The following CCDC171 variants were observed in gnomAD, a reference collection of about 807,000 sequenced individuals.
The protein encoded by CCDC171 is coiled-coil domain containing 171.
Under a neutral mutation model 168.2 loss-of-function variants are expected in CCDC171, and 177 were observed. The observed-to-expected ratio is 1.05, with a 90% CI of 0.93 to 1.19. The LOEUF (loss-of-function observed/expected upper bound fraction) is 1.19, where lower values mean the gene tolerates loss of function less well. CCDC171 is among the 50% of genes most tolerant of loss of function. CCDC171 has a pLI of 0.00. For missense variants in CCDC171, 1,991 were observed against 1,539.0 expected, an observed-to-expected ratio of 1.29 and a Z score of -4.91; for synonymous variants, 687 against 540.8, an observed-to-expected ratio of 1.27 and a Z score of -3.75.
At chr9:15,878,343 T>A (rs1235601255) in intron 24 of CCDC171, among the ~76,000 whole-genome samples, 2 of 151,436 alleles carry the variant, frequency 1.3e-5, no homozygotes, top group Non-Finnish European at 2.9e-5. Flanking sequence ...AAAGAAGACA[T>A]ACACACAAGT....
intron 1 of CCDC171, 113 bp from the exon 2 acceptor site, chr9:15,563,859 ATACACC>A (rs1236452426): frequency 2.1e-6 from 1 of 476,544 alleles, no homozygotes; most frequent in African/African-American, 2.0e-5. Flanking sequence ...AGATATCTCT[ATACACC>A]TACAATTTCA....
chr9:15,886,724 C>G (rs1032228869), intron 24 of CCDC171: 1 of 149,370 alleles, frequency 6.7e-6, no homozygotes, highest in Non-Finnish European at 1.5e-5. Context: ...TAAGTGTCCT[C>G]TGATGAATGA....
chr9:16,091,076 A>T, the CCDC171 span, among the ~76,000 whole-genome samples: 9 of 151,996 alleles, frequency 5.9e-5, no homozygotes, highest in African/African-American at 2.2e-4. Context: ...GTCACCCCCC[A>T]CCCAGGAATG....
At chr9:15,920,229 A>G (rs1825134101) in intron 24 of CCDC171, 41 bp from the exon 25 acceptor site, 2 of 1,302,086 alleles carry the variant, frequency 1.5e-6, no homozygotes, top group Non-Finnish European at 2.1e-6. Context: ...TTGGGGACAT[A>G]TTTATTTGAA....
chr9:15,919,044 T>C (rs1196666974), intron 24 of CCDC171, among the ~76,000 whole-genome samples: 3 of 151,634 alleles, frequency 2.0e-5, no homozygotes, highest in Non-Finnish European at 4.4e-5. Flanking sequence ...AAGATAAACA[T>C]GTAAACTAAT....
At chr9:15,648,687 C>G (rs1328654363) in intron 7 of CCDC171, among the ~76,000 whole-genome samples, 2 of 152,130 alleles carry the variant, frequency 1.3e-5, no homozygotes, top group African/African-American at 2.4e-5. Flanking sequence ...AATAAACTTA[C>G]AAGGGATGTG....
At chr9:15,863,178 A>G (rs984789788) in intron 23 of CCDC171, among the ~76,000 whole-genome samples, 1 of 151,994 alleles carries the variant, frequency 6.6e-6, no homozygotes, top group African/African-American at 2.4e-5. Context: ...GCACAGTCCA[A>G]TTCCTTCCCT....
At chr9:15,968,941 A>G (rs1038939371) in intron 25 of CCDC171, among the ~76,000 whole-genome samples, 9 of 152,150 alleles carry the variant, frequency 5.9e-5, no homozygotes, top group African/African-American at 2.2e-4. Flanking sequence ...CCAGTAGCAA[A>G]AGCAGTCATT....
chr9:15,591,129 C>G (rs2041980999), intron 4 of CCDC171, among the ~76,000 whole-genome samples: 1 of 152,004 alleles, frequency 6.6e-6, no homozygotes, highest in Non-Finnish European at 1.5e-5. Flanking sequence ...GCAAAATCAT[C>G]ATTGTCTGAA....
the CCDC171 span, among the ~76,000 whole-genome samples, chr9:16,096,479 G>T: frequency 6.6e-6 from 1 of 152,174 alleles, no homozygotes; most frequent in Admixed American, 6.5e-5. Flanking sequence ...TTAAAAGAAA[G>T]CAAGCTCTTT....
intron 21 of CCDC171, among the ~76,000 whole-genome samples, chr9:15,801,664 T>C (rs1184320008): frequency 6.6e-6 from 1 of 152,076 alleles, no homozygotes; most frequent in Admixed American, 6.6e-5. Flanking sequence ...CATGTAACAG[T>C]GGTGAAAGTA....
intron 23 of CCDC171, among the ~76,000 whole-genome samples, chr9:15,852,284 A>G (rs2061162103): frequency 6.6e-6 from 1 of 151,794 alleles, no homozygotes; most frequent in Non-Finnish European, 1.5e-5. Flanking sequence ...AGTGACTACT[A>G]TGTAGTATCT....
intron 6 of CCDC171, among the ~76,000 whole-genome samples, chr9:15,597,114 T>C (rs2042431192): frequency 6.6e-6 from 1 of 152,050 alleles, no homozygotes; most frequent in South Asian, 2.1e-4. Context: ...GACTTCCTCT[T>C]TTCCTAATTG....
intron 3 of CCDC171, among the ~76,000 whole-genome samples, chr9:16,013,672 G>T (rs1430996800): frequency 6.6e-6 from 1 of 152,196 alleles, no homozygotes; most frequent in Non-Finnish European, 1.5e-5. Context: ...TGTGGGTTCA[G>T]TTTTGGGCCA....
intron 24 of CCDC171, among the ~76,000 whole-genome samples, chr9:15,879,441 AT>A (rs1818304943): frequency 6.6e-6 from 1 of 152,162 alleles, no homozygotes; most frequent in Non-Finnish European, 1.5e-5. Flanking sequence ...TGTTGGGCAT[AT>A]TACAATTCTT....
intron 1 of CCDC171, among the ~76,000 whole-genome samples, chr9:15,559,685 A>G (rs372893249): frequency 7.2e-5 from 11 of 152,030 alleles, no homozygotes; most frequent in South Asian, 2.1e-4. Flanking sequence ...ACTGTATCCA[A>G]TTTGCCAGTC....
intron 7 of CCDC171, among the ~76,000 whole-genome samples, chr9:15,630,532 C>G (rs1285114548): frequency 1.3e-5 from 2 of 152,146 alleles, no homozygotes; most frequent in Non-Finnish European, 2.9e-5. Flanking sequence ...AAAGCAAGTC[C>G]TGAGTGACCT....
intron 1 of CCDC171, among the ~76,000 whole-genome samples, chr9:16,058,134 A>T (rs1833872102): frequency 6.6e-6 from 1 of 152,150 alleles, no homozygotes; most frequent in Non-Finnish European, 1.5e-5. Context: ...CTATCCAAAA[A>T]AATGAAGAGT....
intron 2 of CCDC171, among the ~76,000 whole-genome samples, chr9:15,570,684 G>T (rs1391320674): frequency 6.6e-6 from 1 of 152,152 alleles, no homozygotes; most frequent in African/African-American, 2.4e-5. Flanking sequence ...TGGTTGCTTA[G>T]GTTCTGTAGG....
Sources: allele counts gnomAD v4.1 joint callset (sites outside exome capture counted in the v4.1 genomes callset), GRCh38; gene constraint gnomAD v4.1.1; transcripts MANE v1.5; gene names NCBI Gene and HGNC (gene_info 2026-07-23, HGNC 2026-07-21).